The following MPP7 variants were observed in gnomAD, a reference collection of about 807,000 sequenced individuals.
The protein encoded by MPP7 is MAGUK p55 scaffold protein 7, also known as MAGUK p55 subfamily member 7.
Under a neutral mutation model 76.5 loss-of-function variants are expected in MPP7, and 60 were observed. That is an observed-to-expected ratio of 0.78 (90% confidence interval 0.64 to 0.97). The LOEUF (loss-of-function observed/expected upper bound fraction) is 0.97, where lower values mean the gene tolerates loss of function less well. Ranked by LOEUF, MPP7 falls within the 50% of genes least tolerant of loss-of-function variation. The pLI is 0.00. For synonymous variants in MPP7, 237 were observed against 244.5 expected, an observed-to-expected ratio of 0.97 and a Z score of 0.29; for missense variants, 641 against 694.0, an observed-to-expected ratio of 0.92 and a Z score of 0.86.
chr10:28,278,717 C>A (rs950775790), intron 1 of MPP7, among the ~76,000 whole-genome samples: 9 of 150,186 alleles, frequency 6.0e-5, no homozygotes, highest in Non-Finnish European at 1.2e-4. Context: ...AGGATATATA[C>A]AAATTCATAT....
intron 3 of MPP7, among the ~76,000 whole-genome samples, chr10:28,195,434 T>TACACAAATGTTCTTAG (rs1358415392): frequency 6.6e-6 from 1 of 152,202 alleles, no homozygotes; most frequent in African/African-American, 2.4e-5. Context: ...CAATAACTTA[T>TACACAAATGTTCTTAG]ACACAAATGT....
intron 3 of MPP7, among the ~76,000 whole-genome samples, chr10:28,194,307 C>T (rs1028485555): frequency 6.6e-6 from 1 of 152,204 alleles, no homozygotes; most frequent in Non-Finnish European, 1.5e-5. Flanking sequence ...AGCCACCACA[C>T]CTGGCCAGCA....
chr10:28,301,223 G>T (rs1384798629), intron 1 of MPP7, among the ~76,000 whole-genome samples: 1 of 152,114 alleles, frequency 6.6e-6, no homozygotes, highest in Non-Finnish European at 1.5e-5. Flanking sequence ...TGATCAAAAT[G>T]CATTACACTT....
intron 5 of MPP7, among the ~76,000 whole-genome samples, chr10:28,138,474 T>C (rs1243686865): frequency 1.3e-5 from 2 of 152,244 alleles, no homozygotes; most frequent in East Asian, 3.8e-4. Context: ...TTGTTTCTTT[T>C]ATACTGCATT....
intron 5 of MPP7, among the ~76,000 whole-genome samples, chr10:28,145,837 T>C (rs1289129888): frequency 6.6e-6 from 1 of 152,186 alleles, no homozygotes; most frequent in African/African-American, 2.4e-5. Flanking sequence ...AAAATTTAAC[T>C]AATTATTATA....
intron 13 of MPP7, among the ~76,000 whole-genome samples, chr10:28,063,604 A>G (rs566697690): frequency 1.4e-4 from 18 of 129,910 alleles, no homozygotes; most frequent in African/African-American, 3.7e-4. Context: ...GCAAAGGAGC[A>G]TTACCACCTG....
At chr10:28,081,303 AC>A (rs1852748338) in intron 12 of MPP7, among the ~76,000 whole-genome samples, 1 of 152,134 alleles carries the variant, frequency 6.6e-6, no homozygotes, top group Non-Finnish European at 1.5e-5. Flanking sequence ...TCCCTCCCTC[AC>A]CCACACACAC....
chr10:28,057,989 T>C (rs932795587), intron 15 of MPP7: 10 of 651,698 alleles, frequency 1.5e-5, no homozygotes, highest in African/African-American at 1.0e-4. Flanking sequence ...GGTGCAGACA[T>C]GGCAGTTGCA....
At chr10:28,061,164 A>AC (rs1851769067) in intron 13 of MPP7, among the ~76,000 whole-genome samples, 1 of 152,082 alleles carries the variant, frequency 6.6e-6, no homozygotes, top group South Asian at 2.1e-4. Flanking sequence ...AAAAACAAAA[A>AC]AAAACAAAAC....
chr10:28,199,201 C>T (rs980841046), intron 3 of MPP7, among the ~76,000 whole-genome samples: 4 of 152,160 alleles, frequency 2.6e-5, no homozygotes, highest in East Asian at 3.9e-4. Flanking sequence ...TTATCTCCCG[C>T]GGGGTCCTTC....
chr10:28,088,467 C>T (rs1035062955), intron 12 of MPP7, among the ~76,000 whole-genome samples: 4 of 152,162 alleles, frequency 2.6e-5, no homozygotes, highest in East Asian at 3.9e-4. Flanking sequence ...TCTCTCTCCC[C>T]TGCTGCCATG....
Position 28,129,212 on chromosome 10 carries a change from GT to G in MPP7, c.447+2347del, listed in dbSNP as rs1451037819. On this transcript the variant is annotated intron_variant, in intron 6 of 16. Transcript: ENST00000683449. ...CTCAAAAACACAGAGCACATTACAC[GT>G]GATACTGTACAAAAGTCATCAATCC... Among the ~76,000 whole-genome samples, 7 of 152,122 alleles carry G rather than the reference GT, an allele frequency of 4.6e-5. No individual in the cohort carries two copies. The East Asian group carries it at 1.4e-3, about 29-fold the overall frequency.
intron 2 of MPP7, among the ~76,000 whole-genome samples, chr10:28,318,492 C>G (rs779988832): frequency 4.6e-5 from 7 of 152,112 alleles, no homozygotes; most frequent in Non-Finnish European, 1.0e-4. Flanking sequence ...TTGAGACCAG[C>G]CTGGCCAATG....
rs578144757 is a variant in MPP7, at chr10:28,139,433, C to A, written c.316-7742G>T. 2.0e-5 allele frequency among the ~76,000 whole-genome samples: 3 copies of A among 152,230 alleles called. No homozygotes were observed. The South Asian group carries it at 6.2e-4, about 32-fold the overall frequency. On this transcript the variant is annotated intron_variant, in intron 5 of 16. Transcript: ENST00000683449. ...AGTGGTATACTGAGCTGATCATGAC[C>A]CTCACACTTTCGGCCTCCAACAAAT...
intron 2 of MPP7, among the ~76,000 whole-genome samples, chr10:28,229,652 G>A (rs1279739463): frequency 6.6e-6 from 1 of 152,094 alleles, no homozygotes; most frequent in Admixed American, 6.6e-5. Context: ...CACTTTGGGA[G>A]GCCGAGGCAG....
At chr10:28,081,570 T>C (rs1030049934) in intron 12 of MPP7, among the ~76,000 whole-genome samples, 2 of 152,168 alleles carry the variant, frequency 1.3e-5, no homozygotes, top group South Asian at 4.1e-4. Context: ...AAGTCCTCCA[T>C]TATTGTATTT....
rs891693034 is a variant in MPP7, at chr10:28,051,365, G to A, written c.*2700C>T. On this transcript the variant is annotated 3_prime_UTR_variant, in exon 17 of 17. Transcript: ENST00000683449. The stretch of plus-strand genomic sequence containing the variant: ...ACATTCAATCATTACACAATACCAG[G>A]AAGGTCAGCCTTAAAGATACCAAGA... The A allele has an allele frequency of 6.6e-6, 1 of 152,142 alleles. No individual in the cohort carries two copies. Among genetic ancestry groups the A allele is most frequent in the African/African-American group, 2.4e-5 (1 of 41,434 alleles). The allele number at this position is 152,142 out of a possible 1,614,324, so 9.4% of individuals were successfully genotyped here.
At chr10:28,151,620 CTAGTAACA>C (rs1243501197) in intron 3 of MPP7, among the ~76,000 whole-genome samples, 5 of 152,192 alleles carry the variant, frequency 3.3e-5, no homozygotes. Context: ...GTCAGTAATA[CTAGTAACA>C]TAGTCTTTAA....
chr10:28,068,143 A>C (rs1279517745), intron 13 of MPP7, among the ~76,000 whole-genome samples: 1 of 151,994 alleles, frequency 6.6e-6, no homozygotes, highest in Admixed American at 6.6e-5. Context: ...ATTTTGTAAA[A>C]TTTTCTAATA....
Sources: gnomAD v4.1 joint callset for allele counts (sites outside exome capture counted in the v4.1 genomes callset) on GRCh38, gnomAD v4.1.1 for gene constraint, MANE v1.5 for transcripts, NCBI Gene and HGNC (gene_info 2026-07-23, HGNC 2026-07-21) for gene names.